Variants in PTPRU observed in about 807,000 individuals in gnomAD.
PTPRU encodes the protein protein tyrosine phosphatase receptor type U.
In PTPRU, 69 loss-of-function variants were observed where a neutral mutation model predicts 166.3. The ratio of observed to expected loss-of-function variants is 0.41; its 90% CI spans 0.34 to 0.51. The LOEUF (loss-of-function observed/expected upper bound fraction) is 0.51. PTPRU is among the 20% of genes least tolerant of loss of function. The pLI is 0.09. For missense variants in PTPRU, 1,657 were observed against 2,013.7 expected, an observed-to-expected ratio of 0.82 and a Z score of 3.39; for synonymous variants, 793 against 814.0, an observed-to-expected ratio of 0.97 and a Z score of 0.44.
intron 1 of PTPRU, among the ~76,000 whole-genome samples, chr1:29,250,920 C>T (rs551055271): frequency 2.0e-5 from 3 of 152,300 alleles, no homozygotes; most frequent in East Asian, 3.9e-4. Context: ...GGTCTAGAGA[C>T]GGACATGGGT....
At chr1:29,293,077 T>C (rs1686716314) in intron 15 of PTPRU, among the ~76,000 whole-genome samples, 1 of 152,186 alleles carries the variant, frequency 6.6e-6, no homozygotes, top group African/African-American at 2.4e-5. Context: ...CCTCCAGGGT[T>C]GGAGCAATTC....
chr1:29,283,810 G>A lies in PTPRU; in HGVS notation c.2143-130G>A, dbSNP rs954873938. 6 of 1,095,348 alleles carry A rather than the reference G, an allele frequency of 5.5e-6. No individual in the cohort carries two copies. In the African/African-American group the frequency reaches 9.4e-5, roughly 17 times the overall value. The allele number at this position is 1,095,348 out of a possible 1,614,324, so 67.9% of individuals were successfully genotyped here. A position where few individuals can be genotyped will look rare whatever the true frequency, so the allele number is the denominator to read the frequency against. ...TCCCCCCAGGCCTGCCTTCGGGTGG[G>A]GTGTCCCTTGATGCCATCAGCACAA... is the stretch of plus-strand genomic sequence containing the variant. On this transcript the variant is annotated intron_variant, in intron 12 of 29. Transcript: ENST00000373779.
chr1:29,320,817 T>C lies in PTPRU; in HGVS notation c.3820T>C (p.Ser1274Pro). Residue 1274 changes from serine to proline, a missense_variant, in exon 26 of 30, where the codon TCC (serine) becomes CCC (proline). Coordinates refer to ENST00000373779, the MANE Select transcript of PTPRU (RefSeq NM_133178.4). This position sits in a 1 kb window ranked among gnomAD's most constrained non-coding sequence, Gnocchi z 5.2. ...VMLNQLNQSN[S>P]AWPCLQYWPE... The stretch of plus-strand genomic sequence containing the variant: ...GCTCAACCAGCTGAACCAGTCCAAC[T>C]CCGCCTGGGTGAGGCCTCCACTGGC... 6.3e-7 allele frequency: 1 copy of C among 1,579,928 alleles called. No homozygotes were observed. Among genetic ancestry groups the C allele is most frequent in the Non-Finnish European group, 8.7e-7 (1 of 1,155,434 alleles).
chr1:29,260,668 C>T lies in PTPRU; in HGVS notation c.909C>T (p.Ile303=). ...TGCGTGCTGGCCCCACCTACCTCAT[C>T]ATCCAGCTCAACACCAACTCCATCA... ...QLLRAGPTYL[I]IQLNTNSIIG... The change falls in exon 7 of 30, where the codon ATC becomes ATT. Residue 303 remains isoleucine, a synonymous_variant. Coordinates refer to ENST00000373779, the MANE Select transcript of PTPRU (RefSeq NM_133178.4). The surrounding 1 kb of genome is among the most constrained non-coding windows in gnomAD (Gnocchi z 8.3). 6.5e-7 allele frequency: 1 copy of T among 1,541,714 alleles called. No homozygotes were observed. Among genetic ancestry groups the T allele is most frequent in the Non-Finnish European group, 8.8e-7 (1 of 1,140,792 alleles).
At chr1:29,255,202 G>A (rs527606923) in intron 1 of PTPRU, 73 bp from the exon 2 acceptor site, 96 of 1,528,402 alleles carry the variant, frequency 6.3e-5, no homozygotes, top group Middle Eastern at 5.5e-4. Flanking sequence ...AGGGAGAGTG[G>A]GGCTACCCTC....
intron 7 of PTPRU, among the ~76,000 whole-genome samples, chr1:29,263,895 C>T (rs534264231): frequency 1.1e-4 from 16 of 151,902 alleles, no homozygotes; most frequent in African/African-American, 2.4e-4. Flanking sequence ...CTGAGTAGGC[C>T]GGGCATGGTG....
intron 12 of PTPRU, chr1:29,283,648 C>T (rs1275258860): frequency 8.6e-6 from 4 of 464,466 alleles, no homozygotes; most frequent in Middle Eastern, 1.1e-3. Context: ...CTAGCTGGAC[C>T]TCTGGCCCTA....
intron 3 of PTPRU, 69 bp downstream of exon 3, chr1:29,258,845 G>A (rs906381190): frequency 3.3e-6 from 5 of 1,516,458 alleles, no homozygotes; most frequent in Non-Finnish European, 4.4e-6. Context: ...AATTGAGGTT[G>A]GAGTAGATGA....
At chr1:29,242,500 G>T (rs904943517) in intron 1 of PTPRU, among the ~76,000 whole-genome samples, 1 of 152,154 alleles carries the variant, frequency 6.6e-6, no homozygotes, top group Non-Finnish European at 1.5e-5. Context: ...TCTCCAATAC[G>T]GTGGCTCCTG....
At chr1:29,298,524 A>G (rs1313703160) in intron 15 of PTPRU, among the ~76,000 whole-genome samples, 1 of 152,152 alleles carries the variant, frequency 6.6e-6, no homozygotes, top group Admixed American at 6.5e-5. Flanking sequence ...GGTGTGAAAA[A>G]GCCAGCTGGA....
At chr1:29,265,437 A>C (rs951554302) in intron 7 of PTPRU, among the ~76,000 whole-genome samples, 1 of 151,854 alleles carries the variant, frequency 6.6e-6, no homozygotes, top group African/African-American at 2.4e-5. Context: ...ATCTCAGCTC[A>C]CTGCAACCTC....
intron 8 of PTPRU, among the ~76,000 whole-genome samples, chr1:29,278,801 GT>G (rs1442730663): frequency 6.6e-6 from 1 of 152,238 alleles, no homozygotes; most frequent in Non-Finnish European, 1.5e-5. Context: ...AATTGCTGAT[GT>G]TTGCCTTGGG....
Position 29,277,803 on chromosome 1 carries a change from CTTTTTTTTTTTTTTTT to C in PTPRU, c.1454-1191_1454-1176del, listed in dbSNP as rs71586898. Among the ~76,000 whole-genome samples, 37 of 50,590 alleles carry C rather than the reference CTTTTTTTTTTTTTTTT, an allele frequency of 7.3e-4. 1 individual carries two copies. The highest frequency in any genetic ancestry group is 6.2e-3 in the East Asian group (10 of 1,602). 33.2% of individuals were successfully genotyped at this position (50,590 alleles called of 152,430 possible). ...ACCATCTGGCTTCACAGTTGTCATT[CTTTTTTTTTTTTTTTT>C]TTTTTTTTTTTTTTTTTGAGATGGA... On this transcript the variant is annotated intron_variant, in intron 8 of 29. Transcript: ENST00000373779.
rs1686222882 is a variant in PTPRU at position 29,283,984 on chromosome 1, C to T, written c.2179+8C>T. Reference sequence around the variant, plus strand: ...TCCGCATTGCCAGGAAAGGTAAGTCCGCTGAGTTCCTGCAGCCTTTCAGCG... The same window carrying T: ...TCCGCATTGCCAGGAAAGGTAAGTCTGCTGAGTTCCTGCAGCCTTTCAGCG... On this transcript the variant is annotated splice_region_variant and intron_variant, in intron 13 of 29. Coordinates refer to ENST00000373779, the MANE Select transcript of PTPRU (RefSeq NM_133178.4). The T allele has an allele frequency of 1.9e-6, 3 of 1,613,482 alleles. No homozygotes were observed. Among genetic ancestry groups the T allele is most frequent in the South Asian group, 1.1e-5 (1 of 91,046 alleles).
chr1:29,303,829 A>C, intron 15 of PTPRU, 26 bp from the exon 16 acceptor site: 1 of 1,580,462 alleles, frequency 6.3e-7, no homozygotes, highest in East Asian at 2.3e-5. Flanking sequence ...TGTGTCAAGA[A>C]CCCTTTTGTC....
intron 2 of PTPRU, among the ~76,000 whole-genome samples, chr1:29,258,024 G>A (rs1459237397): frequency 6.6e-6 from 1 of 152,100 alleles, no homozygotes; most frequent in Non-Finnish European, 1.5e-5. Context: ...GAGTGCAGTG[G>A]CGTGATCTTG....
chr1:29,238,684 A>C lies in PTPRU; in HGVS notation c.73+1967A>C. ...GACGCCCAAGGCGACCTCCCACCCCATCCTCCCCAACTTCTCCCCCATGTC... is the reference window on the plus strand; with the variant it reads ...GACGCCCAAGGCGACCTCCCACCCCCTCCTCCCCAACTTCTCCCCCATGTC... On this transcript the variant is annotated intron_variant, in intron 1 of 29. Transcript: ENST00000373779. This position sits in a 1 kb window ranked among gnomAD's most constrained non-coding sequence, Gnocchi z 6.1. 1.4e-5 allele frequency among the ~76,000 whole-genome samples: 2 copies of C among 146,536 alleles called. No homozygotes were observed. Among genetic ancestry groups the C allele is most frequent in the African/African-American group, 5.1e-5 (2 of 39,254 alleles).
At chr1:29,286,145 A>G (rs1027877564) in intron 14 of PTPRU, among the ~76,000 whole-genome samples, 1 of 152,168 alleles carries the variant, frequency 6.6e-6, no homozygotes, top group African/African-American at 2.4e-5. Context: ...GAGAGAGTCT[A>G]GGGGTGGAGT....
chr1:29,308,598 A>G (rs1340528399), intron 18 of PTPRU, among the ~76,000 whole-genome samples: 2 of 148,000 alleles, frequency 1.4e-5, no homozygotes, highest in African/African-American at 2.5e-5. Context: ...AGAGAGAGAG[A>G]TGGGGTCTCA....
Sources: gnomAD v4.1 joint callset for allele counts (sites outside exome capture counted in the v4.1 genomes callset) on GRCh38, gnomAD v4.1.1 for gene constraint, Gnocchi (gnomAD v3.1) non-coding constraint, MANE v1.5 for transcripts, NCBI Gene and HGNC (gene_info 2026-07-23, HGNC 2026-07-21) for gene names.